The following PACRG variants were observed in gnomAD, a reference collection of about 807,000 sequenced individuals.
PACRG encodes the protein parkin coregulated.
In PACRG, 29 loss-of-function variants were observed where a neutral mutation model predicts 29.7. The observed-to-expected ratio is 0.98, with a 90% CI of 0.73 to 1.33. The LOEUF is 1.33. PACRG is among the 40% of genes most tolerant of loss of function. The pLI, the probability that PACRG is intolerant of heterozygous loss-of-function variation, is 0.00. For synonymous variants in PACRG, 116 were observed against 118.7 expected, an observed-to-expected ratio of 0.98 and a Z score of 0.15; for missense variants, 279 against 316.2, an observed-to-expected ratio of 0.88 and a Z score of 0.89.
At chr6:163,121,947 C>T (rs1585240436) in intron 4 of PACRG, among the ~76,000 whole-genome samples, 1 of 152,080 alleles carries the variant, frequency 6.6e-6, no homozygotes, top group Non-Finnish European at 1.5e-5. Context: ...CAGGTGTGAG[C>T]CACCACGCCT....
chr6:163,060,044 G>C (rs1253084074), intron 2 of PACRG, among the ~76,000 whole-genome samples: 2 of 152,020 alleles, frequency 1.3e-5, no homozygotes, highest in Non-Finnish European at 2.9e-5. Flanking sequence ...TTACAAAAAA[G>C]TAAATAGAAC....
At chr6:162,845,942 T>A (rs1404521647) in intron 2 of PACRG, among the ~76,000 whole-genome samples, 1 of 152,172 alleles carries the variant, frequency 6.6e-6, no homozygotes, top group East Asian at 1.9e-4. Flanking sequence ...ATTAGTGTTC[T>A]CAGGGTAGCA....
chr6:162,863,372 A>G (rs1792026556), intron 2 of PACRG, among the ~76,000 whole-genome samples: 1 of 152,270 alleles, frequency 6.6e-6, no homozygotes. Context: ...TTGAACTTTG[A>G]AGAGAATACA....
chr6:162,928,763 C>T (rs181953423), intron 2 of PACRG, among the ~76,000 whole-genome samples: 4 of 151,894 alleles, frequency 2.6e-5, no homozygotes, highest in Non-Finnish European at 4.4e-5. Flanking sequence ...TATTTTCTCC[C>T]CCTACTCCCC....
intron 2 of PACRG, among the ~76,000 whole-genome samples, chr6:163,020,691 A>G (rs1806526972): frequency 6.6e-6 from 1 of 152,118 alleles, no homozygotes; most frequent in African/African-American, 2.4e-5. Context: ...ATGACAGATC[A>G]CCGAGAAAAT....
At chr6:163,014,753 T>C (rs1300628473) in intron 2 of PACRG, among the ~76,000 whole-genome samples, 1 of 152,202 alleles carries the variant, frequency 6.6e-6, no homozygotes, top group African/African-American at 2.4e-5. Context: ...TAGTAGACCT[T>C]TGTCAGATTC....
At chr6:163,258,117 A>G (rs968587066) in intron 4 of PACRG, among the ~76,000 whole-genome samples, 1 of 152,168 alleles carries the variant, frequency 6.6e-6, no homozygotes, top group African/African-American at 2.4e-5. Context: ...ATTTTTAAAC[A>G]GAATTTACTT....
chr6:163,004,857 C>T (rs776791016), intron 2 of PACRG, among the ~76,000 whole-genome samples: 9 of 151,792 alleles, frequency 5.9e-5, no homozygotes, highest in Non-Finnish European at 8.8e-5. Flanking sequence ...GAGATGAAAA[C>T]GGAGAGGCAA....
chr6:163,192,037 A>T, intron 4 of PACRG: 1 of 250,212 alleles, frequency 4.0e-6, no homozygotes, highest in Non-Finnish European at 8.0e-6. Context: ...CACACAAAGG[A>T]TGTCACAAGC....
intron 4 of PACRG, among the ~76,000 whole-genome samples, chr6:163,149,978 A>G (rs779768636): frequency 5.1e-4 from 77 of 152,128 alleles, no homozygotes; most frequent in Non-Finnish European, 9.9e-4. Flanking sequence ...AAAGTTCCCC[A>G]TTTTTAATTT....
At chr6:163,136,128 C>T (rs868715848) in intron 4 of PACRG, among the ~76,000 whole-genome samples, 1 of 152,212 alleles carries the variant, frequency 6.6e-6, no homozygotes, top group Non-Finnish European at 1.5e-5. Flanking sequence ...AAAATCCTCT[C>T]TTTGTGATTT....
chr6:163,006,190 CATATATATATATATATCCCAT>C (rs1262354602), intron 2 of PACRG, among the ~76,000 whole-genome samples: 1 of 123,978 alleles, frequency 8.1e-6, no homozygotes, highest in East Asian at 2.7e-4. Flanking sequence ...TATATAAACC[CATATATATATATATATCCCAT>C]ATATATATAT....
intron 4 of PACRG, among the ~76,000 whole-genome samples, chr6:163,226,290 C>A (rs4709684): frequency 0.54 from 82,033 of 151,976 alleles, 22,214 homozygotes; most frequent in East Asian, 0.63. Flanking sequence ...CCACTGCAGT[C>A]TGGTGACGCT....
chr6:163,146,764 A>G (rs1281337157), intron 4 of PACRG, among the ~76,000 whole-genome samples: 1 of 152,208 alleles, frequency 6.6e-6, no homozygotes, highest in Non-Finnish European at 1.5e-5. Context: ...CTTACAAACT[A>G]ACATGTTTTT....
At chr6:163,084,327 GTTTCAAAAAAAAAATC>G (rs1392691854) in intron 3 of PACRG, among the ~76,000 whole-genome samples, 1 of 151,856 alleles carries the variant, frequency 6.6e-6, no homozygotes, top group East Asian at 1.9e-4. Context: ...GAAAAGAACT[GTTTCAAAAAAAAAATC>G]TTTTTGCTTT....
chr6:163,039,188 C>G (rs1466855077), intron 2 of PACRG, among the ~76,000 whole-genome samples: 1 of 152,138 alleles, frequency 6.6e-6, no homozygotes, highest in East Asian at 1.9e-4. Context: ...CCCCTGCACT[C>G]TCTCTCTCCT....
chr6:163,007,715 C>G (rs1400469858), intron 2 of PACRG, among the ~76,000 whole-genome samples: 15 of 152,128 alleles, frequency 9.9e-5, no homozygotes, highest in Admixed American at 9.8e-4. Context: ...ATCTCTTTTA[C>G]CTGTTTTTTA....
chr6:163,311,607 T>C (rs1393860941), intron 4 of PACRG, among the ~76,000 whole-genome samples: 1 of 152,214 alleles, frequency 6.6e-6, no homozygotes, highest in Non-Finnish European at 1.5e-5. Flanking sequence ...TGCAGGGTCA[T>C]TGTTTCAGCA....
intron 1 of PACRG, among the ~76,000 whole-genome samples, chr6:162,768,075 C>A (rs1424887291): frequency 6.6e-6 from 1 of 151,938 alleles, no homozygotes. Context: ...ATTTGCATAC[C>A]ATTATTTTTG....
Sources: allele counts gnomAD v4.1 joint callset (sites outside exome capture counted in the v4.1 genomes callset), GRCh38; gene constraint gnomAD v4.1.1; transcripts MANE v1.5; gene names NCBI Gene and HGNC (gene_info 2026-07-23, HGNC 2026-07-21).